MYRF: variants seen among roughly 807,000 people sequenced by gnomAD.
MYRF encodes myelin regulatory factor, also known as myelin gene regulatory factor.
MYRF carries 16 observed loss-of-function variants against 126.3 expected under a neutral mutation model. The ratio of observed to expected loss-of-function variants is 0.13; its 90% CI spans 0.09 to 0.19. MYRF has a LOEUF of 0.19. Ranked by LOEUF, MYRF falls within the 10% of genes least tolerant of loss-of-function variation. The pLI is 1.00. For synonymous variants in MYRF, 608 were observed against 635.3 expected, an observed-to-expected ratio of 0.96 and a Z score of 0.65; for missense variants, 1,104 against 1,547.0, an observed-to-expected ratio of 0.71 and a Z score of 4.80.
Position 61,779,299 on chromosome 11 carries a change from G to C in MYRF, c.2050G>C (p.Glu684Gln). ...IFMENVGAVK[E>Q]LCKLTDNLET... ...CATGGAGAACGTAGGGGCCGTGAAG[G>C]AGCTGTGCAAGCTGACAGACAACCT... The change falls in exon 15 of 27, where the codon GAG becomes CAG. Residue 684 changes from glutamate to glutamine, a missense_variant. Glu to Gln is a conservative substitution (Grantham distance 29). This residue lies in a region of MYRF where 123 missense variants were observed against 209.1 expected (regional missense o/e 0.59). Coordinates refer to ENST00000278836, the MANE Select transcript of MYRF (RefSeq NM_001127392.3). The C allele has an allele frequency of 4.5e-6, 7 of 1,548,830 alleles. No individual in the cohort carries two copies. The highest frequency in any genetic ancestry group is 6.1e-6 in the Non-Finnish European group (7 of 1,146,888).
chr11:61,759,462 G>A (rs2065847415), intron 1 of MYRF, among the ~76,000 whole-genome samples: 1 of 152,172 alleles, frequency 6.6e-6, no homozygotes, highest in African/African-American at 2.4e-5. Flanking sequence ...CTGAGGTCAG[G>A]AGTTCGAGAC....
chr11:61,761,260 G>A (rs570226946), intron 1 of MYRF, among the ~76,000 whole-genome samples: 2 of 69,456 alleles, frequency 2.9e-5, no homozygotes, highest in Admixed American at 1.9e-4. Context: ...CACAGCTGGT[G>A]GGGGGGGGGG....
intron 1 of MYRF, among the ~76,000 whole-genome samples, chr11:61,754,647 T>G (rs2065693897): frequency 1.4e-5 from 2 of 146,336 alleles, no homozygotes. Context: ...GACCATGGGT[T>G]GGGGGGTGGG....
intron 3 of MYRF, 33 bp downstream of exon 3, chr11:61,766,254 G>A (rs767175869): frequency 2.2e-5 from 34 of 1,564,504 alleles, no homozygotes; most frequent in African/African-American, 1.2e-4. Flanking sequence ...GGGATACAGC[G>A]GCATAGGGGC....
chr11:61,755,447 C>T, intron 1 of MYRF: 1 of 1,610,144 alleles, frequency 6.2e-7, no homozygotes. Flanking sequence ...CAGCAGGTAA[C>T]CGGGCCATGG....
chr11:61,781,184 C>T lies in MYRF; in HGVS notation c.2619C>T (p.Thr873=). Residue 873 remains threonine, a synonymous_variant, in exon 21 of 27, where the codon ACC becomes ACT. Transcript: ENST00000278836. ...TSSAPGSAVR[T]LDMCSSHPCP... ...CGGCCCCAGGTTCTGCTGTCCGCAC[C>T]TTGGACATGTGTTCCAGCCACCCCT... 1 of 1,614,040 alleles carries T rather than the reference C, an allele frequency of 6.2e-7. No homozygotes were observed. The highest frequency in any genetic ancestry group is 8.5e-7 in the Non-Finnish European group (1 of 1,180,024).
At chr11:61,755,418 G>A (rs1402602573) in intron 1 of MYRF, 2 of 1,610,460 alleles carry the variant, frequency 1.2e-6, no homozygotes, top group Non-Finnish European at 1.7e-6. Context: ...GGACCCACCG[G>A]GCAGGATGCA....
chr11:61,784,417 AGGCCCGAG>A (rs1268201318), intron 25 of MYRF, 32 bp downstream of exon 25: 1 of 1,569,972 alleles, frequency 6.4e-7, no homozygotes, highest in Non-Finnish European at 8.7e-7. Context: ...CGGGCCGGCC[AGGCCCGAG>A]CTGCTTCTCT....
At chr11:61,774,364 C>G (rs923583690) in intron 8 of MYRF, among the ~76,000 whole-genome samples, 2 of 151,904 alleles carry the variant, frequency 1.3e-5, no homozygotes, top group African/African-American at 4.8e-5. Flanking sequence ...ACTAAAAATA[C>G]AAAAATTAGC....
At chr11:61,770,061 G>T (rs1308647712) in intron 4 of MYRF, among the ~76,000 whole-genome samples, 185 bp from the exon 5 acceptor site, 1 of 151,956 alleles carries the variant, frequency 6.6e-6, no homozygotes, top group Non-Finnish European at 1.5e-5. Flanking sequence ...GCAGGTTTGT[G>T]CCTCCCTGCC....
At chr11:61,755,312 C>T (rs2065718410) in intron 1 of MYRF, 6 of 1,509,692 alleles carry the variant, frequency 4.0e-6, no homozygotes, top group Admixed American at 2.2e-5. Context: ...GCGGCCCCCT[C>T]GAGGCTGGTA....
At chr11:61,756,095 A>G (rs1426110567) in intron 1 of MYRF, among the ~76,000 whole-genome samples, 2 of 152,156 alleles carry the variant, frequency 1.3e-5, no homozygotes, top group African/African-American at 2.4e-5. Flanking sequence ...TAGTCTCCTG[A>G]TAGGACAGAT....
intron 21 of MYRF, 50 bp from the exon 22 acceptor site, chr11:61,781,523 G>A: frequency 1.3e-6 from 2 of 1,585,518 alleles, no homozygotes; most frequent in Non-Finnish European, 1.7e-6. Flanking sequence ...CAGCTGGACA[G>A]GAAGCAGCCA....
intron 8 of MYRF, among the ~76,000 whole-genome samples, chr11:61,774,620 G>A (rs1247941412): frequency 3.0e-5 from 4 of 134,360 alleles, no homozygotes; most frequent in South Asian, 2.5e-4. Context: ...CCGCCCTCCC[G>A]CCTTTTATCC....
At chr11:61,760,498 A>G (rs2065869510) in intron 1 of MYRF, among the ~76,000 whole-genome samples, 1 of 152,190 alleles carries the variant, frequency 6.6e-6, no homozygotes, top group Non-Finnish European at 1.5e-5. Flanking sequence ...TGCATGTGTA[A>G]GAATAGCAGC....
intron 6 of MYRF, 31 bp downstream of exon 6, chr11:61,771,781 G>A: frequency 6.2e-7 from 1 of 1,613,364 alleles, no homozygotes; most frequent in Non-Finnish European, 8.5e-7. Context: ...TCAAGGTGGG[G>A]TGTGGGACCC....
rs1323263541 is a variant in MYRF at position 61,778,914 on chromosome 11, A to T, written c.2014-349A>T. The T allele has an allele frequency of 1.7e-6, 1 of 574,546 alleles. No individual in the cohort carries two copies. The highest frequency in any genetic ancestry group is 3.3e-6 in the Non-Finnish European group (1 of 303,490). The allele number at this position is 574,546 out of a possible 1,614,324, so 35.6% of individuals were successfully genotyped here. A position where few individuals can be genotyped will look rare whatever the true frequency, so the allele number is the denominator to read the frequency against. On this transcript the variant is annotated intron_variant, in intron 14 of 26. Coordinates refer to ENST00000278836, the MANE Select transcript of MYRF (RefSeq NM_001127392.3). This position sits in a 1 kb window ranked among gnomAD's most constrained non-coding sequence, Gnocchi z 4.6. ...GGTCTCCACCCCAGCTGAATAGTGA[A>T]GTGCTGACATCTGAGACACCAGTCA...
At chr11:61,771,055 G>A (rs12574316) in intron 5 of MYRF, among the ~76,000 whole-genome samples, 7 of 152,214 alleles carry the variant, frequency 4.6e-5, no homozygotes, top group African/African-American at 7.2e-5. Context: ...AAGGAGTGCC[G>A]TGCGGAAGCT....
chr11:61,763,730 T>G (rs1374942347), intron 1 of MYRF, among the ~76,000 whole-genome samples: 2 of 152,100 alleles, frequency 1.3e-5, no homozygotes, highest in Non-Finnish European at 2.9e-5. Flanking sequence ...CCGTGTGTGG[T>G]GGCGGGCGCC....
Sources: gnomAD v4.1 joint callset for allele counts (sites outside exome capture counted in the v4.1 genomes callset) on GRCh38, gnomAD v4.1.1 for gene constraint, gnomAD v4.1.1 regional missense constraint, Gnocchi (gnomAD v3.1) non-coding constraint, MANE v1.5 for transcripts, NCBI Gene and HGNC (gene_info 2026-07-23, HGNC 2026-07-21) for gene names.